Variants in ITGAE observed in about 807,000 individuals in gnomAD.
The protein encoded by ITGAE is integrin subunit alpha E.
In ITGAE, 99 loss-of-function variants were observed where a neutral mutation model predicts 136.5. That is an observed-to-expected ratio of 0.73 (90% CI 0.62 to 0.86). The LOEUF (loss-of-function observed/expected upper bound fraction) is 0.86. Among genes scored for constraint, ITGAE ranks in the 40% least tolerant of loss-of-function variants. ITGAE has a pLI of 0.00. For synonymous variants in ITGAE, 613 were observed against 591.8 expected (o/e 1.04, Z -0.52); for missense variants, 1,447 against 1,515.3 (o/e 0.95, Z 0.75).
intron 1 of ITGAE, 121 bp downstream of exon 1, chr17:3,800,990 C>G (rs2053245316): frequency 2.2e-5 from 26 of 1,193,266 alleles, no homozygotes; most frequent in Non-Finnish European, 2.7e-5. Flanking sequence ...AGCTGCCACT[C>G]TCTAACCTCT....
At chr17:3,761,806 C>T in intron 4 of ITGAE, 109 bp downstream of exon 4, 1 of 987,332 alleles carries the variant, frequency 1.0e-6, no homozygotes, top group Non-Finnish European at 1.5e-6. Flanking sequence ...ACGCTAGACT[C>T]AGCCTCGGGA....
intron 1 of ITGAE, 102 bp from the exon 2 acceptor site, chr17:3,777,762 G>A (rs1448948924): frequency 3.0e-6 from 4 of 1,351,348 alleles, no homozygotes; most frequent in Non-Finnish European, 4.0e-6. Context: ...TGAGAAAAGT[G>A]AGACTGCCCA....
Position 3,777,609 on chromosome 17 carries a change from G to A in ITGAE, c.86C>T (p.Thr29Met), listed in dbSNP as rs368892790. The stretch of plus-strand genomic sequence containing the variant: ...CACGAAAGGGGCACCTCCCTTGGGC[G>A]TGAGCCAGGGCCGGGCCACATCCAC... ...FNVDVARPWL[T>M]PKGGAPFVLS... The change falls in exon 2 of 31, where the codon ACG becomes ATG. Residue 29 changes from threonine (T) to methionine (M), a missense_variant. Physicochemically the swap from Thr to Met is moderately conservative, Grantham distance 81. Coordinates refer to ENST00000263087, the MANE Select transcript of ITGAE (RefSeq NM_002208.5). 2.7e-5 allele frequency: 43 copies of A among 1,613,900 alleles called. No homozygotes were observed. The highest frequency in any genetic ancestry group is 4.4e-5 in the South Asian group (4 of 91,052).
intron 16 of ITGAE, 135 bp from the exon 17 acceptor site, chr17:3,748,187 C>T: frequency 1.2e-6 from 1 of 849,798 alleles, no homozygotes; most frequent in Non-Finnish European, 1.7e-6. Context: ...TCTCAGGGTA[C>T]AGTGGGGAAA....
intron 1 of ITGAE, among the ~76,000 whole-genome samples, chr17:3,787,851 G>T (rs1343465406): frequency 6.6e-6 from 1 of 151,728 alleles, no homozygotes; most frequent in Admixed American, 6.6e-5. Context: ...CCACGCCCGG[G>T]TAATTTTTGT....
chr17:3,751,312 G>A (rs926751468), intron 15 of ITGAE, among the ~76,000 whole-genome samples: 5 of 151,918 alleles, frequency 3.3e-5, no homozygotes, highest in African/African-American at 9.7e-5. Context: ...AGACAGGAGC[G>A]AGGGACAGAA....
rs1489852983 is a variant in ITGAE at position 3,759,475 on chromosome 17, A to G, written c.793T>C (p.Ser265Pro). 6.2e-7 allele frequency: 1 copy of G among 1,614,016 alleles called. No individual in the cohort carries two copies. Among genetic ancestry groups the G allele is most frequent in the African/African-American group, 1.3e-5 (1 of 74,914 alleles). Reference protein sequence around the residue: ...DLRDSQDVMASLARVQNITQV... With the variant: ...DLRDSQDVMAPLARVQNITQV... ...GTGATGTTCTGGACTCTGGCGAGGG[A>G]GGCCATCACATCCTGGCTGTCCCGA... is the stretch of plus-strand genomic sequence containing the variant. Residue 265 changes from serine (S) to proline (P), a missense_variant, in exon 8 of 31, where the codon TCC (serine) becomes CCC (proline). Ser to Pro is a moderately conservative substitution (Grantham distance 74). This residue lies in a region of ITGAE where 310 missense variants were observed against 416.1 expected (regional missense o/e 0.74). Coordinates refer to ENST00000263087, the MANE Select transcript of ITGAE (RefSeq NM_002208.5).
intron 10 of ITGAE, among the ~76,000 whole-genome samples, chr17:3,756,145 T>G (rs1462119079): frequency 6.6e-6 from 1 of 151,758 alleles, no homozygotes; most frequent in Non-Finnish European, 1.5e-5. Context: ...CAGCCATCCT[T>G]GTTTCTCCAG....
chr17:3,789,589 C>T (rs2052889813), intron 1 of ITGAE, among the ~76,000 whole-genome samples: 1 of 151,908 alleles, frequency 6.6e-6, no homozygotes, highest in Admixed American at 6.6e-5. Context: ...CAACCTCTGC[C>T]TCCCAGGTTC....
chr17:3,718,651 AT>A (rs1339233392), intron 29 of ITGAE, among the ~76,000 whole-genome samples: 1 of 152,224 alleles, frequency 6.6e-6, no homozygotes, highest in Non-Finnish European at 1.5e-5. Context: ...AAAGAAAGGA[AT>A]TTTGGGGAAT....
At chr17:3,788,494 T>A (rs1238398905) in intron 1 of ITGAE, among the ~76,000 whole-genome samples, 1 of 135,456 alleles carries the variant, frequency 7.4e-6, no homozygotes, top group Non-Finnish European at 1.6e-5. Context: ...GAGGCGAGGT[T>A]TCACTGTGTT....
chr17:3,747,552 G>GCC lies in ITGAE; in HGVS notation c.2155+368_2155+369dup, dbSNP rs371720863. 4.3e-3 allele frequency among the ~76,000 whole-genome samples: 656 copies of GCC among 152,210 alleles called. 4 individuals are homozygous for GCC. The highest frequency in any genetic ancestry group is 0.015 in the African/African-American group (614 of 41,524). ...TCTCGATCTCCTGACCGCGTGATCTGCCCGCCTTGGCCTCCCAAAGTGCTG... is the reference window on the plus strand; with the variant it reads ...TCTCGATCTCCTGACCGCGTGATCTGCCCCCGCCTTGGCCTCCCAAAGTGCTG... On this transcript the variant is annotated intron_variant, in intron 17 of 30. Transcript: ENST00000263087.
At chr17:3,732,209 C>G (rs1351075414) in intron 22 of ITGAE, among the ~76,000 whole-genome samples, 159 bp downstream of exon 22, 1 of 152,178 alleles carries the variant, frequency 6.6e-6, no homozygotes, top group Non-Finnish European at 1.5e-5. Flanking sequence ...CCATCACCCC[C>G]TACTTTCAGA....
At position 3,762,317 on chromosome 17, in the gene ITGAE, G is replaced by A. The variant is rs150766542; in HGVS notation, c.248-335C>T. On this transcript the variant is annotated intron_variant, in intron 3 of 30. Transcript: ENST00000263087. ...TCAGTGGGTTTGGTCGGGCAGGTGG[G>A]TGGAGAAGCACTGCCTGGTGGGTAT... 4.8e-3 allele frequency among the ~76,000 whole-genome samples: 728 copies of A among 152,270 alleles called. 6 individuals are homozygous for A. The highest frequency in any genetic ancestry group is 0.017 in the African/African-American group (702 of 41,552).
At chr17:3,739,676 G>C in intron 20 of ITGAE, 129 bp downstream of exon 20, 2 of 750,370 alleles carry the variant, frequency 2.7e-6, no homozygotes, top group Non-Finnish European at 4.8e-6. Flanking sequence ...GAGATAATAA[G>C]TGCAGAAGCC....
At chr17:3,777,761 T>G (rs899269400) in intron 1 of ITGAE, 101 bp from the exon 2 acceptor site, 43 of 1,354,296 alleles carry the variant, frequency 3.2e-5, no homozygotes, top group Admixed American at 6.7e-5. Flanking sequence ...CTGAGAAAAG[T>G]GAGACTGCCC....
At chr17:3,723,784 A>C (rs1366283234) in intron 26 of ITGAE, 40 bp from the exon 27 acceptor site, 1 of 1,600,418 alleles carries the variant, frequency 6.2e-7, no homozygotes, top group African/African-American at 1.3e-5. Flanking sequence ...TGAACAAACC[A>C]AGCCGCCAGT....
intron 20 of ITGAE, among the ~76,000 whole-genome samples, chr17:3,735,353 G>A (rs990876048): frequency 1.3e-5 from 2 of 152,162 alleles, no homozygotes; most frequent in Non-Finnish European, 2.9e-5. Flanking sequence ...TTTTATTAGG[G>A]ACGGGGTTTC....
At chr17:3,779,329 AT>A (rs2052611243) in intron 1 of ITGAE, among the ~76,000 whole-genome samples, 1 of 84,286 alleles carries the variant, frequency 1.2e-5, no homozygotes, top group African/African-American at 7.4e-5. Context: ...ATTTTTATTA[AT>A]TTCTTTTTTT....
Sources: gnomAD v4.1 joint callset for allele counts (sites outside exome capture counted in the v4.1 genomes callset) on GRCh38, gnomAD v4.1.1 for gene constraint, gnomAD v4.1.1 regional missense constraint, MANE v1.5 for transcripts, NCBI Gene and HGNC (gene_info 2026-07-23, HGNC 2026-07-21) for gene names.